Variants in NEK11 observed in about 807,000 individuals in gnomAD.
NEK11 encodes the protein serine/threonine-protein kinase Nek11.
Under a neutral mutation model 80.7 loss-of-function variants are expected in NEK11, and 72 were observed. That is an observed-to-expected ratio of 0.89 (90% confidence interval 0.74 to 1.08). NEK11 has a LOEUF of 1.08. NEK11 is among the 50% of genes least tolerant of loss of function. The pLI is 0.00. For missense variants in NEK11, 764 were observed against 763.6 expected (o/e 1.00, Z -0.01); for synonymous variants, 251 against 260.7 (o/e 0.96, Z 0.36).
intron 3 of NEK11, among the ~76,000 whole-genome samples, chr3:131,071,693 G>T (rs1178021593): frequency 3.9e-5 from 6 of 151,928 alleles, no homozygotes; most frequent in Non-Finnish European, 1.5e-5. Context: ...TAATAACAAA[G>T]AATTTTTAGT....
intron 14 of NEK11, among the ~76,000 whole-genome samples, chr3:131,177,877 T>C (rs1394220966): frequency 6.6e-6 from 1 of 152,256 alleles, no homozygotes; most frequent in Non-Finnish European, 1.5e-5. Flanking sequence ...GAATATGTTC[T>C]GAGAAATGTG....
rs781349972 is a variant in NEK11, at chr3:131,349,720, G to A, written c.1882G>A (p.Glu628Lys). 6.2e-7 allele frequency: 1 copy of A among 1,614,218 alleles called. No homozygotes were observed. Among genetic ancestry groups the A allele is most frequent in the South Asian group, 1.1e-5 (1 of 91,084 alleles). The part of the protein sequence containing the change: ...CFEVDQLLYF[E>K]EQLLITMGKE... ...TGAAGTGGACCAGCTCCTGTACTTT[G>A]AAGAGCAGTTGCTGATCACGATGGG... Residue 628 changes from glutamate (E) to lysine (K), a missense_variant, in exon 18 of 18, where the codon GAA (glutamate) becomes AAA (lysine). Physicochemically the swap from Glu to Lys is moderately conservative, Grantham distance 56. Coordinates refer to ENST00000383366, the MANE Select transcript of NEK11 (RefSeq NM_024800.5).
At chr3:131,293,956 TTC>T (rs1004562539) in intron 17 of NEK11, among the ~76,000 whole-genome samples, 1 of 151,984 alleles carries the variant, frequency 6.6e-6, no homozygotes, top group Non-Finnish European at 1.5e-5. Context: ...GCAATTTGTG[TTC>T]TCTCTTTTTT....
chr3:131,211,231 A>G (rs2094602138), intron 14 of NEK11, among the ~76,000 whole-genome samples: 1 of 152,176 alleles, frequency 6.6e-6, no homozygotes, highest in Non-Finnish European at 1.5e-5. Flanking sequence ...TTCATTAGTG[A>G]AGCTTAGTTT....
chr3:131,115,966 C>A (rs1367190300), intron 5 of NEK11, among the ~76,000 whole-genome samples: 2 of 141,054 alleles, frequency 1.4e-5, no homozygotes, highest in Admixed American at 7.2e-5. Flanking sequence ...TTCTTTCTTT[C>A]TTTCTTTCTT....
chr3:131,187,430 A>G (rs1363087880), intron 14 of NEK11, among the ~76,000 whole-genome samples: 3 of 152,190 alleles, frequency 2.0e-5, no homozygotes, highest in Admixed American at 2.0e-4. Context: ...TGTTGATCTT[A>G]TATTTCAACT....
intron 14 of NEK11, among the ~76,000 whole-genome samples, chr3:131,213,448 G>T (rs544543657): frequency 2.0e-4 from 30 of 152,312 alleles, no homozygotes; most frequent in Middle Eastern, 3.4e-3. Context: ...TGTTCTGTCT[G>T]CCAGCAATTA....
At chr3:131,131,952 T>C (rs1316685698) in intron 5 of NEK11, among the ~76,000 whole-genome samples, 1 of 152,122 alleles carries the variant, frequency 6.6e-6, no homozygotes, top group South Asian at 2.1e-4. Flanking sequence ...AGATTTCTTC[T>C]TCATTGTTTA....
chr3:131,171,089 T>C (rs1314129533), intron 14 of NEK11, among the ~76,000 whole-genome samples: 1 of 152,148 alleles, frequency 6.6e-6, no homozygotes, highest in Non-Finnish European at 1.5e-5. Flanking sequence ...TTCTTTGCAA[T>C]AGTGAGGATG....
At position 131,165,217 on chromosome 3, in the gene NEK11, G is replaced by C. The variant is rs549545099; in HGVS notation, c.1083-209G>C. On this transcript the variant is annotated intron_variant, in intron 11 of 17. Coordinates refer to ENST00000383366, the MANE Select transcript of NEK11 (RefSeq NM_024800.5). ...GCTGCATTTTGGGATTTGTAAGGGT[G>C]AATAAGGAACCAGAGTATCTTGTGT... 13 of 494,370 alleles carry C rather than the reference G, an allele frequency of 2.6e-5. 1 individual carries two copies. In the South Asian group the frequency reaches 3.7e-4, roughly 14 times the overall value. The allele number at this position is 494,370 out of a possible 1,614,324, so 30.6% of individuals were successfully genotyped here.
chr3:131,056,870 T>G (rs2069606933), intron 3 of NEK11, among the ~76,000 whole-genome samples: 1 of 149,126 alleles, frequency 6.7e-6, no homozygotes, highest in South Asian at 2.1e-4. Flanking sequence ...GGGCTTCCAG[T>G]TTTTTTTTTC....
intron 14 of NEK11, chr3:131,184,815 C>A: frequency 2.9e-6 from 2 of 679,360 alleles, no homozygotes; most frequent in South Asian, 4.3e-5. Flanking sequence ...CTAGCTGTTG[C>A]ATCTTTCTTT....
intron 16 of NEK11, among the ~76,000 whole-genome samples, chr3:131,272,807 G>A (rs1471687957): frequency 6.6e-6 from 1 of 151,978 alleles, no homozygotes; most frequent in Non-Finnish European, 1.5e-5. Flanking sequence ...AAGTAGTGTT[G>A]TTTCAGTTGA....
At chr3:131,094,110 C>T (rs2149186825) in intron 4 of NEK11, among the ~76,000 whole-genome samples, 1 of 150,500 alleles carries the variant, frequency 6.6e-6, no homozygotes, top group South Asian at 2.2e-4. Context: ...GGATCCAAGG[C>T]TTGAGGCCCT....
chr3:131,139,063 CAG>C (rs3993327), intron 7 of NEK11, among the ~76,000 whole-genome samples: 32,198 of 151,824 alleles, frequency 0.21, 3,745 homozygotes, highest in African/African-American at 0.32. Flanking sequence ...CCTGGAGAAA[CAG>C]AGAAATGCAA....
intron 17 of NEK11, among the ~76,000 whole-genome samples, chr3:131,296,797 GC>G (rs1356761402): frequency 6.6e-6 from 1 of 152,010 alleles, no homozygotes; most frequent in Non-Finnish European, 1.5e-5. Flanking sequence ...AGCTCCTAAT[GC>G]TATCCCTCCC....
rs1255443442 is a variant in NEK11, at chr3:131,109,832, A to G, written c.366A>G (p.Glu122=). 1.2e-6 allele frequency: 2 copies of G among 1,604,556 alleles called. No homozygotes were observed. Among genetic ancestry groups the G allele is most frequent in the Non-Finnish European group, 1.7e-6 (2 of 1,177,040 alleles). The change falls in exon 5 of 18, where the codon GAA becomes GAG. Residue 122 remains glutamate (E), a synonymous_variant. Coordinates refer to ENST00000383366, the MANE Select transcript of NEK11 (RefSeq NM_024800.5). ...EGRDLDDKIQ[E]YKQAGKIFPE... ...GAGATCTGGACGATAAAATTCAGGA[A>G]TATAAACAAGCTGGAAAAATCTTTC...
At chr3:131,029,480 A>AT (rs1368107280) in intron 2 of NEK11, 133 bp from the exon 3 acceptor site, 24 of 362,558 alleles carry the variant, frequency 6.6e-5, no homozygotes, top group Non-Finnish European at 9.9e-5. Context: ...ACCTTTTAAC[A>AT]TTTTTTTTCA....
intron 3 of NEK11, among the ~76,000 whole-genome samples, chr3:131,060,879 G>C (rs2070725499): frequency 6.6e-6 from 1 of 152,148 alleles, no homozygotes; most frequent in South Asian, 2.1e-4. Context: ...TTGTGGTTTT[G>C]ATGTGCATAT....
Sources: allele counts gnomAD v4.1 joint callset (sites outside exome capture counted in the v4.1 genomes callset), GRCh38; gene constraint gnomAD v4.1.1; transcripts MANE v1.5; gene names NCBI Gene and HGNC (gene_info 2026-07-23, HGNC 2026-07-21).